CCDC178: variants seen among roughly 807,000 people sequenced by gnomAD.
CCDC178 encodes coiled-coil domain-containing protein 178.
CCDC178 carries 126 observed loss-of-function variants against 117.4 expected under a neutral mutation model. That is an observed-to-expected ratio of 1.07 (90% CI 0.93 to 1.24). The LOEUF (loss-of-function observed/expected upper bound fraction) is 1.24. CCDC178 is among the 50% of genes most tolerant of loss of function. The pLI is 0.00. For missense variants in CCDC178, 1,030 were observed against 986.9 expected, an observed-to-expected ratio of 1.04 and a Z score of -0.59; for synonymous variants, 283 against 313.4, an observed-to-expected ratio of 0.90 and a Z score of 1.02.
In CCDC178 at chr18:33,054,387, A is replaced by T. The variant is rs9944801; in HGVS notation, c.2388+38374T>A. Among the ~76,000 whole-genome samples, 161 of 152,276 alleles carry T rather than the reference A, an allele frequency of 1.1e-3. 2 individuals carry two copies. The highest frequency in any genetic ancestry group is 3.7e-3 in the African/African-American group (155 of 41,552). On this transcript the variant is annotated intron_variant, in intron 21 of 22. Transcript: ENST00000383096. ...ACCCCATCACCTAGACATTAGGCCC[A>T]GCATCCATTAGTTATTCTTCTTGAT...
At chr18:33,156,883 C>CA (rs1208466854) in intron 20 of CCDC178, among the ~76,000 whole-genome samples, 2 of 151,932 alleles carry the variant, frequency 1.3e-5, no homozygotes, top group African/African-American at 2.4e-5. Context: ...ATTCAGTTGG[C>CA]AAAAAAATTA....
intron 5 of CCDC178, among the ~76,000 whole-genome samples, chr18:33,377,524 G>A (rs547253834): frequency 4.1e-4 from 62 of 152,194 alleles, no homozygotes; most frequent in African/African-American, 1.4e-3. Flanking sequence ...TCCCAAGACT[G>A]ATACCCAGAA....
intron 2 of CCDC178, among the ~76,000 whole-genome samples, chr18:33,434,605 G>A (rs2064264753): frequency 2.0e-5 from 3 of 152,054 alleles, no homozygotes; most frequent in African/African-American, 7.2e-5. Flanking sequence ...GCAACATTGT[G>A]TTTCAGAGAA....
intron 18 of CCDC178, among the ~76,000 whole-genome samples, chr18:33,221,580 A>G (rs1192422978): frequency 6.6e-6 from 1 of 152,070 alleles, no homozygotes; most frequent in Non-Finnish European, 1.5e-5. Flanking sequence ...TCCTTTATAA[A>G]ATGCAAATAA....
chr18:33,083,142 A>C (rs182646277), intron 21 of CCDC178, among the ~76,000 whole-genome samples: 45 of 152,352 alleles, frequency 3.0e-4, no homozygotes, highest in African/African-American at 8.7e-4. Context: ...AAGCTGTATC[A>C]AGTAGATTCT....
intron 6 of CCDC178, among the ~76,000 whole-genome samples, chr18:33,359,708 A>T (rs1262313916): frequency 6.6e-6 from 1 of 151,572 alleles, no homozygotes; most frequent in African/African-American, 2.4e-5. Context: ...TATCAAACTA[A>T]CTACAAGACT....
intron 21 of CCDC178, among the ~76,000 whole-genome samples, chr18:33,081,902 A>G (rs1261596934): frequency 6.6e-6 from 1 of 152,184 alleles, no homozygotes; most frequent in Non-Finnish European, 1.5e-5. Flanking sequence ...CATTTTCAGG[A>G]TTATTTTGAT....
intron 21 of CCDC178, among the ~76,000 whole-genome samples, chr18:33,067,279 CAG>C (rs2057033411): frequency 6.6e-6 from 1 of 152,194 alleles, no homozygotes; most frequent in South Asian, 2.1e-4. Flanking sequence ...TAAATTAAGA[CAG>C]ATGTCAAAAA....
chr18:33,031,142 G>C (rs1264291436), intron 21 of CCDC178, among the ~76,000 whole-genome samples: 1 of 151,356 alleles, frequency 6.6e-6, no homozygotes, highest in Non-Finnish European at 1.5e-5. Context: ...TGTCTTTTTT[G>C]TTCCTCTAGT....
At chr18:32,991,102 C>A (rs575594517) in intron 21 of CCDC178, among the ~76,000 whole-genome samples, 29 of 151,764 alleles carry the variant, frequency 1.9e-4, no homozygotes, top group Admixed American at 1.6e-3. Context: ...ATCTTAGTTA[C>A]TTCTACATAA....
chr18:33,134,123 G>T (rs1268148435), intron 20 of CCDC178, among the ~76,000 whole-genome samples: 1 of 151,936 alleles, frequency 6.6e-6, no homozygotes. Context: ...CACCTGAGCG[G>T]TAAGTTATCA....
chr18:33,179,858 C>A (rs1400401636), intron 20 of CCDC178, among the ~76,000 whole-genome samples: 1 of 151,992 alleles, frequency 6.6e-6, no homozygotes, highest in African/African-American at 2.4e-5. Context: ...CACCGCTAGT[C>A]TACAAACTTC....
intron 15 of CCDC178, among the ~76,000 whole-genome samples, chr18:33,244,473 TC>T (rs1326409090): frequency 6.6e-6 from 1 of 151,768 alleles, no homozygotes; most frequent in East Asian, 1.9e-4. Context: ...ATGAGGCATT[TC>T]CCCCATGCTA....
At position 33,222,969 on chromosome 18, in the gene CCDC178, C is replaced by T. The variant is rs147915344; in HGVS notation, c.1932+137G>A. Reference sequence around the variant, plus strand: ...AGGACTGTGTGTGTGTGAGTGTGTGCGCTTTTATCCCTAGTCGATTTAGTG... The same window carrying T: ...AGGACTGTGTGTGTGTGAGTGTGTGTGCTTTTATCCCTAGTCGATTTAGTG... On this transcript the variant is annotated intron_variant, in intron 18 of 22. Coordinates refer to ENST00000383096, the MANE Select transcript of CCDC178 (RefSeq NM_001105528.4). 6.6e-4 allele frequency: 400 copies of T among 605,460 alleles called. 5 individuals carry two copies. The highest frequency in any genetic ancestry group is 6.6e-3 in the African/African-American group (350 of 53,216). The allele number at this position is 605,460 out of a possible 1,614,324, so 37.5% of individuals were successfully genotyped here. A position where few individuals can be genotyped will look rare whatever the true frequency, so the allele number is the denominator to read the frequency against.
At chr18:33,365,952 T>G (rs1258147553) in intron 6 of CCDC178, among the ~76,000 whole-genome samples, 1 of 152,074 alleles carries the variant, frequency 6.6e-6, no homozygotes, top group East Asian at 1.9e-4. Flanking sequence ...TCATAGTAAC[T>G]CCACTCTGAA....
At chr18:33,059,394 CA>C (rs2056885060) in intron 21 of CCDC178, among the ~76,000 whole-genome samples, 1 of 152,152 alleles carries the variant, frequency 6.6e-6, no homozygotes, top group South Asian at 2.1e-4. Flanking sequence ...CACATCCACA[CA>C]AGAACACATT....
intron 20 of CCDC178, among the ~76,000 whole-genome samples, chr18:33,179,085 A>ATATATATATATATATATATATATATAAAC (rs1598967516): frequency 4.1e-5 from 4 of 96,808 alleles, no homozygotes; most frequent in Non-Finnish European, 5.9e-5. Context: ...AAAAATATAT[A>ATATATATATATATATATATATATATAAAC]TATATATATA....
At chr18:33,341,475 G>C (rs1010235499) in intron 9 of CCDC178, among the ~76,000 whole-genome samples, 6 of 152,070 alleles carry the variant, frequency 3.9e-5, no homozygotes, top group Non-Finnish European at 8.8e-5. Flanking sequence ...AATTTGGAGG[G>C]GCCAGTAGAA....
At chr18:33,305,771 G>A (rs1423248529) in intron 11 of CCDC178, among the ~76,000 whole-genome samples, 1 of 152,024 alleles carries the variant, frequency 6.6e-6, no homozygotes, top group Non-Finnish European at 1.5e-5. Context: ...CCTTGCTGAA[G>A]CCCCACAGAC....
Sources: allele counts gnomAD v4.1 joint callset (sites outside exome capture counted in the v4.1 genomes callset), GRCh38; gene constraint gnomAD v4.1.1; transcripts MANE v1.5; gene names NCBI Gene and HGNC (gene_info 2026-07-23, HGNC 2026-07-21).